Variants in CUL4A observed in about 807,000 individuals in gnomAD.
CUL4A encodes the protein cullin 4A.
CUL4A carries 16 observed loss-of-function variants against 95.5 expected under a neutral mutation model. That is an observed-to-expected ratio of 0.17 (90% CI 0.11 to 0.25). The LOEUF (loss-of-function observed/expected upper bound fraction) is 0.25. Ranked by LOEUF, CUL4A falls within the 10% of genes least tolerant of loss-of-function variation. The pLI is 1.00. For synonymous variants in CUL4A, 380 were observed against 353.1 expected (o/e 1.08, Z -0.85); for missense variants, 610 against 937.0 (o/e 0.65, Z 4.56).
At chr13:113,234,595 T>C (rs1050043322) in intron 7 of CUL4A, among the ~76,000 whole-genome samples, 1 of 152,226 alleles carries the variant, frequency 6.6e-6, no homozygotes, top group African/African-American at 2.4e-5. Flanking sequence ...TTTCCCGCAC[T>C]GTCTTGGGAA....
At chr13:113,253,236 A>G in intron 16 of CUL4A, 41 bp downstream of exon 16, 1 of 1,092,366 alleles carries the variant, frequency 9.2e-7, no homozygotes, top group Non-Finnish European at 1.3e-6. Flanking sequence ...ATTTGTAAAT[A>G]TGTTAATATA....
At position 113,264,797 on chromosome 13, in the gene CUL4A, A is replaced by G. The variant is rs1282233029; in HGVS notation, c.*1215A>G. The G allele has an allele frequency of 6.6e-6, 1 of 152,628 alleles. No homozygotes were observed. Among genetic ancestry groups the G allele is most frequent in the Non-Finnish European group, 1.5e-5 (1 of 68,040 alleles). 9.5% of individuals were successfully genotyped at this position (152,628 alleles called of 1,614,324 possible). ...TTTGATTTTGTGCTAAATTATTAAG[A>G]GTCTCTTTTTGAAACATGCGGGTTT... On this transcript the variant is annotated 3_prime_UTR_variant, in exon 20 of 20. Coordinates refer to ENST00000375440, the MANE Select transcript of CUL4A (RefSeq NM_001008895.4).
In CUL4A at chr13:113,264,965, G is replaced by C. The variant is rs1165271011; in HGVS notation, c.*1383G>C. The C allele has an allele frequency of 1.3e-5, 2 of 151,572 alleles. No homozygotes were observed. The highest frequency in any genetic ancestry group is 2.9e-5 in the Non-Finnish European group (2 of 67,950). 9.4% of individuals were successfully genotyped at this position (151,572 alleles called of 1,614,324 possible). A position where few individuals can be genotyped will look rare whatever the true frequency, so the allele number is the denominator to read the frequency against. ...GATTTCTATTTTTTTTTTCTTATAA[G>C]TTCGTTGTGTCTAGAGATTGTTAAT... is the stretch of plus-strand genomic sequence containing the variant. On this transcript the variant is annotated 3_prime_UTR_variant, in exon 20 of 20. Transcript: ENST00000375440.
intron 4 of CUL4A, among the ~76,000 whole-genome samples, chr13:113,228,564 G>C (rs2041192138): frequency 6.6e-6 from 1 of 152,066 alleles, no homozygotes; most frequent in Admixed American, 6.6e-5. Flanking sequence ...TTCTGGGCCA[G>C]GTAGCTGGCA....
chr13:113,238,155 G>T (rs532179278), intron 9 of CUL4A, among the ~76,000 whole-genome samples: 5 of 152,116 alleles, frequency 3.3e-5, no homozygotes, highest in Non-Finnish European at 5.9e-5. Flanking sequence ...AAGAAAAAAG[G>T]CCAGGCATAG....
chr13:113,227,416 C>T (rs746182284), intron 3 of CUL4A, among the ~76,000 whole-genome samples: 27 of 152,206 alleles, frequency 1.8e-4, no homozygotes, highest in Non-Finnish European at 3.4e-4. Context: ...TAACCCCATT[C>T]TTGAGGCTTG....
intron 2 of CUL4A, among the ~76,000 whole-genome samples, chr13:113,215,444 C>T (rs966193015): frequency 2.0e-5 from 3 of 147,268 alleles, no homozygotes; most frequent in African/African-American, 5.1e-5. Flanking sequence ...CGCTGTGTGA[C>T]CATGGAGGTT....
Position 113,210,000 on chromosome 13 carries a change from C to T in CUL4A, c.176C>T (p.Thr59Met), listed in dbSNP as rs1455037982. ...RDRPRLPDNY[T>M]QDTWRKLHEA... ...AGACCTCGGCTGCCCGACAACTACA[C>T]GCAGGACACGTGGCGGAAGCTGCAC... Residue 59 changes from threonine (T) to methionine (M), a missense_variant, in exon 2 of 20, where the codon ACG (threonine) becomes ATG (methionine). Around this residue, in one of 10 missense-constraint regions of CUL4A, gnomAD observed 168 missense variants for 185.5 expected, o/e 0.91. Coordinates refer to ENST00000375440, the MANE Select transcript of CUL4A (RefSeq NM_001008895.4). 1.3e-6 allele frequency: 2 copies of T among 1,521,370 alleles called. No homozygotes were observed. The highest frequency in any genetic ancestry group is 2.7e-5 in the East Asian group (1 of 36,688). 94.2% of individuals were successfully genotyped at this position (1,521,370 alleles called of 1,614,324 possible).
At chr13:113,216,808 G>A (rs375415090) in intron 2 of CUL4A, among the ~76,000 whole-genome samples, 69 of 150,580 alleles carry the variant, frequency 4.6e-4, no homozygotes, top group Non-Finnish European at 7.4e-4. Flanking sequence ...TTGGCAGGGC[G>A]GGGAGAAACA....
At chr13:113,209,434 G>A (rs956989678), upstream of CUL4A, 2 of 167,012 alleles carry the variant, frequency 1.2e-5, no homozygotes, top group South Asian at 1.8e-4. Flanking sequence ...CGATCCCTCA[G>A]GAGGGATTCC....
rs761182960 is a variant in CUL4A at position 113,245,128 on chromosome 13, C to T, written c.1445-24C>T. On this transcript the variant is annotated intron_variant, in intron 13 of 19. Transcript: ENST00000375440. ...GCTGCCCCGTGTGTTACCCCGATCT[C>T]ACTCCCTCCTTTGCTGTGTCCAGAG... is the stretch of plus-strand genomic sequence containing the variant. The T allele has an allele frequency of 1.9e-6, 3 of 1,613,362 alleles. No homozygotes were observed. In the East Asian group the frequency reaches 6.7e-5, roughly 36 times the overall value.
intron 5 of CUL4A, among the ~76,000 whole-genome samples, chr13:113,232,827 C>T (rs1397917720): frequency 6.6e-6 from 1 of 152,074 alleles, no homozygotes; most frequent in African/African-American, 2.4e-5. Flanking sequence ...GTGGGGCAGG[C>T]AGGGTCGTGG....
intron 11 of CUL4A, 31 bp from the exon 12 acceptor site, chr13:113,244,379 T>A (rs780700009): frequency 4.7e-6 from 7 of 1,496,468 alleles, no homozygotes; most frequent in Non-Finnish European, 6.5e-6. Flanking sequence ...TTTTCTAGTT[T>A]AGAGTATTTA....
rs1227095844 is a variant in CUL4A at position 113,209,994 on chromosome 13, A to G, written c.170A>G (p.Asn57Ser). The change falls in exon 2 of 20, where the codon AAC becomes AGC. Residue 57 changes from asparagine to serine, a missense_variant. By Grantham distance (46) the Asn-to-Ser change is conservative. Coordinates refer to ENST00000375440, the MANE Select transcript of CUL4A (RefSeq NM_001008895.4). ...NFRDRPRLPD[N>S]YTQDTWRKLH... ...GCAGACAGACCTCGGCTGCCCGACAACTACACGCAGGACACGTGGCGGAAG... is the reference window on the plus strand; with the variant it reads ...GCAGACAGACCTCGGCTGCCCGACAGCTACACGCAGGACACGTGGCGGAAG... 7 of 1,517,574 alleles carry G rather than the reference A, an allele frequency of 4.6e-6. No individual in the cohort carries two copies. The highest frequency in any genetic ancestry group is 2.8e-5 in the East Asian group (1 of 36,252). 94.0% of individuals were successfully genotyped at this position (1,517,574 alleles called of 1,614,324 possible). A position where few individuals can be genotyped will look rare whatever the true frequency, so the allele number is the denominator to read the frequency against.
At chr13:113,211,733 T>C (rs2040453866) in intron 2 of CUL4A, among the ~76,000 whole-genome samples, 1 of 152,264 alleles carries the variant, frequency 6.6e-6, no homozygotes, top group African/African-American at 2.4e-5. Flanking sequence ...AATAACCCTT[T>C]GTTTGGACAT....
At position 113,210,032 on chromosome 13, in the gene CUL4A, G is replaced by A. The variant is rs1413182897; in HGVS notation, c.208G>A (p.Val70Met). 3.3e-6 allele frequency: 5 copies of A among 1,526,650 alleles called. No homozygotes were observed. The highest frequency in any genetic ancestry group is 3.5e-6 in the Non-Finnish European group (4 of 1,137,776). 94.6% of individuals were successfully genotyped at this position (1,526,650 alleles called of 1,614,324 possible). The change falls in exon 2 of 20, where the codon GTG (valine) becomes ATG (methionine). Residue 70 changes from valine (V) to methionine (M), a missense_variant. Coordinates refer to ENST00000375440, the MANE Select transcript of CUL4A (RefSeq NM_001008895.4). ...CACGTGGCGGAAGCTGCACGAGGCG[G>A]TGCGGGCCGTGCAGAGCAGCACCTC... ...QDTWRKLHEA[V>M]RAVQSSTSIR...
At position 113,243,063 on chromosome 13, in the gene CUL4A, G is replaced by A. The variant is rs1566357891; in HGVS notation, c.1131G>A (p.Glu377=). 1 of 1,614,172 alleles carries A rather than the reference G, an allele frequency of 6.2e-7. No individual in the cohort carries two copies. Among genetic ancestry groups the A allele is most frequent in the Middle Eastern group, 1.6e-4 (1 of 6,062 alleles). ...AGGACAAGGTGGACCACGTGATCGA[G>A]GTCTGCTTCCAGAAGAATGAGCGGT... is the stretch of plus-strand genomic sequence containing the variant. ...DFKDKVDHVI[E]VCFQKNERFV... is the part of the protein sequence containing the mutation. Residue 377 remains glutamate (E), a synonymous_variant, in exon 11 of 20, where the codon GAG becomes GAA. Transcript: ENST00000375440.
At chr13:113,226,768 T>TA (rs769848567) in intron 3 of CUL4A, among the ~76,000 whole-genome samples, 15 of 152,234 alleles carry the variant, frequency 9.9e-5, no homozygotes, top group Non-Finnish European at 2.2e-4. Context: ...CTCATACCTG[T>TA]AATCCTAGCA....
intron 15 of CUL4A, among the ~76,000 whole-genome samples, chr13:113,246,603 G>A (rs139217438): frequency 3.3e-4 from 50 of 152,288 alleles, no homozygotes; most frequent in Non-Finnish European, 5.3e-4. Flanking sequence ...TGGAAAAGGC[G>A]TCCCTTAAGC....
Sources: allele counts gnomAD v4.1 joint callset (sites outside exome capture counted in the v4.1 genomes callset), GRCh38; gene constraint gnomAD v4.1.1; regional missense constraint gnomAD v4.1.1; transcripts MANE v1.5; gene names NCBI Gene and HGNC (gene_info 2026-07-23, HGNC 2026-07-21).